Variants in CFAP20DC observed in about 807,000 individuals in gnomAD.
CFAP20DC encodes the protein protein CFAP20DC.
A neutral mutation model predicts 101.7 loss-of-function variants in CFAP20DC; 84 were observed. That is an observed-to-expected ratio of 0.83 (90% CI 0.69 to 0.99). The LOEUF (loss-of-function observed/expected upper bound fraction) is 0.99, where lower values mean the gene tolerates loss of function less well. CFAP20DC is among the 50% of genes least tolerant of loss of function. CFAP20DC has a pLI of 0.00. For missense variants in CFAP20DC, 1,007 were observed against 970.3 expected, an observed-to-expected ratio of 1.04 and a Z score of -0.50; for synonymous variants, 359 against 351.2, an observed-to-expected ratio of 1.02 and a Z score of -0.25.
In CFAP20DC at chr3:58,721,258, A is replaced by G. The variant is rs1045635257; in HGVS notation, c.198-3630T>C. On this transcript the variant is annotated intron_variant, in intron 3 of 3. Transcript: ENST00000486145. This position sits in a 1 kb window ranked among gnomAD's most constrained non-coding sequence, Gnocchi z 5.2. ...TAAATATGTTCCAACACGTTTATTA[A>G]ACACCTTATCTGGGCCAGGGATTGT... 1.3e-5 allele frequency among the ~76,000 whole-genome samples: 2 copies of G among 152,174 alleles called. No individual in the cohort carries two copies. Among genetic ancestry groups the G allele is most frequent in the African/African-American group, 4.8e-5 (2 of 41,436 alleles).
chr3:58,884,350 T>C (rs2081444766), intron 7 of CFAP20DC, among the ~76,000 whole-genome samples, 195 bp downstream of exon 7: 2 of 152,250 alleles, frequency 1.3e-5, no homozygotes, highest in Admixed American at 1.3e-4. Flanking sequence ...CGGCCCACTT[T>C]ATTCATTTAT....
At chr3:58,978,681 C>G (rs541236835) in intron 4 of CFAP20DC, among the ~76,000 whole-genome samples, 1 of 149,446 alleles carries the variant, frequency 6.7e-6, no homozygotes, top group Non-Finnish European at 1.5e-5. Context: ...TGCACTCCAG[C>G]CTGGGTGACA....
At chr3:58,876,995 C>T (rs1289221506) in intron 7 of CFAP20DC, among the ~76,000 whole-genome samples, 2 of 152,160 alleles carry the variant, frequency 1.3e-5, no homozygotes, top group African/African-American at 4.8e-5. Flanking sequence ...ATCCGTAAGA[C>T]TGGGATAATC....
intron 4 of CFAP20DC, among the ~76,000 whole-genome samples, chr3:58,970,185 G>C (rs1345278060): frequency 1.3e-5 from 2 of 152,082 alleles, no homozygotes; most frequent in Non-Finnish European, 2.9e-5. Flanking sequence ...TGAAATGTTA[G>C]TCATTGTGGG....
rs377254999 is a variant in CFAP20DC at position 58,870,342 on chromosome 3, T to C, written c.716-33A>G. 5.3e-5 allele frequency: 85 copies of C among 1,602,574 alleles called. 1 individual carries two copies. In the Middle Eastern group the frequency reaches 1.4e-3, roughly 26 times the overall value. On this transcript the variant is annotated intron_variant, in intron 7 of 16. Coordinates refer to ENST00000482387, the MANE Select transcript of CFAP20DC (RefSeq NM_001394063.1). ...GTTAAAGGAAGGTAATAATAGTCCA[T>C]TAATGGGTGTAATGACAAACATCAC... is the stretch of plus-strand genomic sequence containing the variant.
rs1266811314 is a variant in CFAP20DC, at chr3:58,721,444, C to G, written c.198-3816G>C. ...TGCTATGAATATTTATTCCAGGAGT[C>G]TGACCTAATGAAGAAGGTCAGGGAA... On this transcript the variant is annotated intron_variant, in intron 3 of 3. Coordinates refer to the CFAP20DC transcript ENST00000486145. This position sits in a 1 kb window ranked among gnomAD's most constrained non-coding sequence, Gnocchi z 5.2. Among the ~76,000 whole-genome samples the G allele has an allele frequency of 6.6e-6, 1 of 152,098 alleles. No individual in the cohort carries two copies. Among genetic ancestry groups the G allele is most frequent in the Non-Finnish European group, 1.5e-5 (1 of 68,022 alleles).
At chr3:58,843,150 A>G (rs1205559741) in intron 13 of CFAP20DC, among the ~76,000 whole-genome samples, 4 of 152,230 alleles carry the variant, frequency 2.6e-5, no homozygotes, top group Non-Finnish European at 5.9e-5. Context: ...GCAACGGAAT[A>G]AAGCTGGATG....
At chr3:58,717,206 C>T (rs2067410188), downstream of CFAP20DC, among the ~76,000 whole-genome samples, 2 of 151,898 alleles carry the variant, frequency 1.3e-5, no homozygotes, top group South Asian at 2.1e-4. The surrounding 1 kb of genome is among the most constrained non-coding windows in gnomAD (Gnocchi z 4.1). Context: ...TAAATTATAA[C>T]AGGGCTGGAG....
intron 5 of CFAP20DC, among the ~76,000 whole-genome samples, chr3:58,935,078 C>T (rs1217077225): frequency 6.6e-6 from 1 of 152,194 alleles, no homozygotes; most frequent in African/African-American, 2.4e-5. Flanking sequence ...AGCAAAGTCT[C>T]AGGATACAAA....
chr3:58,953,073 TA>T (rs890765358), intron 4 of CFAP20DC, among the ~76,000 whole-genome samples: 12 of 152,074 alleles, frequency 7.9e-5, no homozygotes, highest in African/African-American at 2.7e-4. Flanking sequence ...TACAGACTGA[TA>T]GGGGTGGGAA....
chr3:58,891,162 T>C (rs1297390096), intron 6 of CFAP20DC, among the ~76,000 whole-genome samples: 1 of 151,890 alleles, frequency 6.6e-6, no homozygotes, highest in Non-Finnish European at 1.5e-5. Context: ...CGAGACTCCG[T>C]CTGCAATCCC....
chr3:58,887,228 A>C (rs566654433), intron 6 of CFAP20DC: 11 of 152,348 alleles, frequency 7.2e-5, no homozygotes, highest in Non-Finnish European at 8.8e-5. Context: ...TAGAAAATCT[A>C]TATAAAGTAA....
intron 13 of CFAP20DC, among the ~76,000 whole-genome samples, chr3:58,845,339 C>G (rs879493255): frequency 2.0e-5 from 3 of 151,812 alleles, no homozygotes; most frequent in African/African-American, 7.3e-5. Flanking sequence ...ATATCACCAC[C>G]GATCCCACAG....
chr3:59,021,601 C>T (rs185460240), intron 4 of CFAP20DC, among the ~76,000 whole-genome samples: 8 of 152,178 alleles, frequency 5.3e-5, no homozygotes, highest in Admixed American at 5.2e-4. Context: ...AAGGACCAAT[C>T]CTGATTATTA....
chr3:58,935,198 T>C (rs1378998386), intron 5 of CFAP20DC, among the ~76,000 whole-genome samples: 4 of 152,082 alleles, frequency 2.6e-5, no homozygotes, highest in Admixed American at 6.5e-5. Flanking sequence ...AGAAAACACC[T>C]AGGAATCCAA....
chr3:59,026,231 T>A (rs561229856), intron 4 of CFAP20DC, among the ~76,000 whole-genome samples: 1 of 152,124 alleles, frequency 6.6e-6, no homozygotes, highest in Non-Finnish European at 1.5e-5. Context: ...AGCCACGAGA[T>A]GCGTTCAAAA....
chr3:58,985,300 C>T (rs1456480284), intron 4 of CFAP20DC, among the ~76,000 whole-genome samples: 1 of 151,974 alleles, frequency 6.6e-6, no homozygotes, highest in African/African-American at 2.4e-5. Context: ...TCTGAGAGTC[C>T]CCATTTCTGA....
chr3:58,841,205 T>A (rs889157364), intron 13 of CFAP20DC, among the ~76,000 whole-genome samples: 4 of 152,192 alleles, frequency 2.6e-5, no homozygotes, highest in African/African-American at 9.7e-5. Context: ...AACAGGTGTT[T>A]TGAAATAATG....
intron 3 of CFAP20DC, chr3:58,727,114 T>A (rs1325797049): frequency 5.0e-6 from 1 of 199,654 alleles, no homozygotes; most frequent in African/African-American, 2.4e-5. Flanking sequence ...GGCCAGGAAG[T>A]GCTATCCTAC....
Sources: allele counts gnomAD v4.1 joint callset (sites outside exome capture counted in the v4.1 genomes callset), GRCh38; gene constraint gnomAD v4.1.1; non-coding constraint Gnocchi (gnomAD v3.1); transcripts MANE v1.5; gene names NCBI Gene and HGNC (gene_info 2026-07-23, HGNC 2026-07-21).